Variants in PTPRO observed in about 807,000 individuals in gnomAD.
The protein encoded by PTPRO is protein tyrosine phosphatase receptor type O.
PTPRO carries 62 observed loss-of-function variants against 145.2 expected under a neutral mutation model. That is an observed-to-expected ratio of 0.43 (90% CI 0.35 to 0.53). The LOEUF (loss-of-function observed/expected upper bound fraction) is 0.53. Among genes scored for constraint, PTPRO ranks in the 20% least tolerant of loss-of-function variants. The pLI, the probability that PTPRO is intolerant of heterozygous loss-of-function variation, is 0.01. For synonymous variants in PTPRO, 565 were observed against 514.7 expected, an observed-to-expected ratio of 1.10 and a Z score of -1.32; for missense variants, 1,345 against 1,482.7, an observed-to-expected ratio of 0.91 and a Z score of 1.53.
intron 12 of PTPRO, chr12:15,546,221 T>G (rs1263767197): frequency 1.5e-6 from 1 of 652,006 alleles, no homozygotes; most frequent in Non-Finnish European, 2.0e-6. Context: ...TAAGTGCAGA[T>G]TTTTGTTTCT....
At chr12:15,546,493 T>C in intron 12 of PTPRO, 76 bp from the exon 13 acceptor site, 1 of 1,544,050 alleles carries the variant, frequency 6.5e-7, no homozygotes, top group South Asian at 1.2e-5. Flanking sequence ...GGGGGATGCT[T>C]CACCTGCTTA....
chr12:15,448,675 T>C (rs1451156589), intron 1 of PTPRO, among the ~76,000 whole-genome samples: 1 of 152,104 alleles, frequency 6.6e-6, no homozygotes, highest in African/African-American at 2.4e-5. Context: ...TTTATCTGGG[T>C]ATATACCCAA....
chr12:15,491,809 C>T (rs1367944427), intron 2 of PTPRO, among the ~76,000 whole-genome samples: 1 of 152,184 alleles, frequency 6.6e-6, no homozygotes, highest in Non-Finnish European at 1.5e-5. Context: ...GTAATGGGCC[C>T]TCTGTGCTCT....
chr12:15,541,297 C>G (rs1413204110), intron 12 of PTPRO, among the ~76,000 whole-genome samples: 1 of 152,162 alleles, frequency 6.6e-6, no homozygotes, highest in East Asian at 1.9e-4. Context: ...TTCATTTACT[C>G]TTCTCAACAT....
intron 11 of PTPRO, among the ~76,000 whole-genome samples, chr12:15,525,670 A>T (rs1591686564): frequency 6.6e-6 from 1 of 152,298 alleles, no homozygotes; most frequent in East Asian, 1.9e-4. Context: ...TGTCCATGTG[A>T]CTTCTACTTA....
At chr12:15,533,726 T>C (rs1047676313) in intron 12 of PTPRO, among the ~76,000 whole-genome samples, 14 of 152,190 alleles carry the variant, frequency 9.2e-5, no homozygotes, top group Admixed American at 6.5e-5. Context: ...TTTTGATATA[T>C]ATAGAAGTCA....
chr12:15,578,904 C>T lies in PTPRO; in HGVS notation c.2881C>T (p.Leu961=), dbSNP rs765267151. 3.1e-6 allele frequency: 5 copies of T among 1,607,676 alleles called. No individual in the cohort carries two copies. Among genetic ancestry groups the T allele is most frequent in the East Asian group, 4.5e-5 (2 of 44,828 alleles). ...DIPHFAADLP[L]NRCKNRYTNI... Reference sequence around the variant, plus strand: ...CCCACACTTTGCTGCAGATCTTCCACTGAATCGATGTAAAAACCGTTACAC... The same window carrying T: ...CCCACACTTTGCTGCAGATCTTCCATTGAATCGATGTAAAAACCGTTACAC... The change falls in exon 20 of 27, where the codon CTG becomes TTG. Residue 961 remains leucine, a synonymous_variant. Coordinates refer to ENST00000281171, the MANE Select transcript of PTPRO (RefSeq NM_030667.3).
At chr12:15,343,707 T>A (rs911727715) in intron 1 of PTPRO, among the ~76,000 whole-genome samples, 8 of 152,158 alleles carry the variant, frequency 5.3e-5, no homozygotes, top group African/African-American at 7.2e-5. Flanking sequence ...ATATATATAT[T>A]TTTTGAGACA....
In PTPRO at chr12:15,360,839, CGTGTGTATATATGT is replaced by C. The variant is rs1264258699; in HGVS notation, c.75+38057_75+38070del. Among the ~76,000 whole-genome samples, 34 of 100,616 alleles carry C rather than the reference CGTGTGTATATATGT, an allele frequency of 3.4e-4. 1 individual carries two copies. The highest frequency in any genetic ancestry group is 9.5e-4 in the South Asian group (3 of 3,150). The allele number at this position is 100,616 out of a possible 152,430, so 66.0% of individuals were successfully genotyped here. A position where few individuals can be genotyped will look rare whatever the true frequency, so the allele number is the denominator to read the frequency against. ...GTATATATGTGTGTGTATATATATA[CGTGTGTATATATGT>C]GTGTGTATATATGTGTGTATATACA... On this transcript the variant is annotated intron_variant, in intron 1 of 26. Transcript: ENST00000281171.
chr12:15,427,896 T>C (rs1940327467), intron 1 of PTPRO, among the ~76,000 whole-genome samples: 10 of 152,176 alleles, frequency 6.6e-5, no homozygotes, highest in Admixed American at 4.6e-4. Context: ...TACATAAGCA[T>C]ATTTGTTGAT....
chr12:15,373,434 G>A (rs1381030), intron 1 of PTPRO, among the ~76,000 whole-genome samples: 26,986 of 152,090 alleles, frequency 0.18, 5,742 homozygotes, highest in African/African-American at 0.51. Flanking sequence ...GTGTGGTGGA[G>A]ATGGAGAGAT....
chr12:15,484,917 T>G (rs1591643051), intron 2 of PTPRO, among the ~76,000 whole-genome samples: 1 of 152,134 alleles, frequency 6.6e-6, no homozygotes, highest in East Asian at 1.9e-4. Flanking sequence ...AATCTCAAAT[T>G]AAGATGTGAC....
chr12:15,369,822 A>G (rs1019358483), intron 1 of PTPRO, among the ~76,000 whole-genome samples: 1 of 152,070 alleles, frequency 6.6e-6, no homozygotes, highest in African/African-American at 2.4e-5. Flanking sequence ...GAGGCCAAGG[A>G]GGGTGGATCA....
rs533854591 is a variant in PTPRO, at chr12:15,498,430, C to T, written c.509-1012C>T. On this transcript the variant is annotated intron_variant, in intron 3 of 26. Transcript: ENST00000281171. ...AAATCTAGCCGGGCGTGGTGGCGGG[C>T]GCCTGTAGTCCCAGATACTCAGGAG... Among the ~76,000 whole-genome samples the T allele has an allele frequency of 1.3e-3, 199 of 152,142 alleles. 1 individual carries two copies. Among genetic ancestry groups the T allele is most frequent in the African/African-American group, 4.4e-3 (182 of 41,520 alleles).
At chr12:15,561,061 C>A (rs1943760556) in intron 17 of PTPRO, among the ~76,000 whole-genome samples, 1 of 152,046 alleles carries the variant, frequency 6.6e-6, no homozygotes, top group African/African-American at 2.4e-5. Flanking sequence ...ATTAAGAACT[C>A]TTTCTTTTCC....
rs1318007132 is a variant in PTPRO at position 15,499,446 on chromosome 12, C to A, written c.513C>A (p.Phe171Leu). ...KDFRTMLYKD[F>L]FKGKTVFNHW... ...TAATTGATTTTCTCTTCACAGATTT[C>A]TTTAAGGGAAAAACAGTATTTAATC... The change falls in exon 4 of 27, where the codon TTC becomes TTA. Residue 171 changes from phenylalanine to leucine, a missense_variant. Around this residue, in one of 3 missense-constraint regions of PTPRO, gnomAD observed 1,130 missense variants for 1,214.7 expected, o/e 0.93. Coordinates refer to ENST00000281171, the MANE Select transcript of PTPRO (RefSeq NM_030667.3). The A allele has an allele frequency of 6.2e-7, 1 of 1,612,708 alleles. No homozygotes were observed. The highest frequency in any genetic ancestry group is 1.7e-5 in the Admixed American group (1 of 60,012).
intron 13 of PTPRO, among the ~76,000 whole-genome samples, chr12:15,546,925 A>G (rs1311079929): frequency 6.6e-6 from 1 of 152,168 alleles, no homozygotes; most frequent in Admixed American, 6.5e-5. Flanking sequence ...TTCCTAATTC[A>G]TAAGTCACTC....
Position 15,503,943 on chromosome 12 carries a change from G to A in PTPRO, c.1141G>A (p.Ala381Thr), listed in dbSNP as rs1252170566. The part of the protein sequence containing the change: ...FTEYLMVDEE[A>T]HEFVAELKEP... ...TGAATATTTGATGGTGGATGAAGAA[G>A]CACATGAATTTGTTGCAGAACTGAA... is the stretch of plus-strand genomic sequence containing the variant. Residue 381 changes from alanine (A) to threonine (T), a missense_variant, in exon 6 of 27, where the codon GCA becomes ACA. Ala to Thr is a moderately conservative substitution (Grantham distance 58). Coordinates refer to ENST00000281171, the MANE Select transcript of PTPRO (RefSeq NM_030667.3). 1.9e-6 allele frequency: 3 copies of A among 1,586,082 alleles called. No individual in the cohort carries two copies. The highest frequency in any genetic ancestry group is 2.6e-6 in the Non-Finnish European group (3 of 1,154,980).
At chr12:15,350,626 A>G (rs956705585) in intron 1 of PTPRO, among the ~76,000 whole-genome samples, 2 of 152,194 alleles carry the variant, frequency 1.3e-5, no homozygotes, top group African/African-American at 4.8e-5. Context: ...TTCTAGACAA[A>G]ATAATTGCTA....
Sources: gnomAD v4.1 joint callset for allele counts (sites outside exome capture counted in the v4.1 genomes callset) on GRCh38, gnomAD v4.1.1 for gene constraint, gnomAD v4.1.1 regional missense constraint, MANE v1.5 for transcripts, NCBI Gene and HGNC (gene_info 2026-07-23, HGNC 2026-07-21) for gene names.